Variants in SYNE3 observed in about 807,000 individuals in gnomAD.
SYNE3 encodes the protein nesprin-3.
SYNE3 carries 100 observed loss-of-function variants against 111.2 expected under a neutral mutation model. That is an observed-to-expected ratio of 0.90 (90% confidence interval 0.77 to 1.06). The LOEUF (loss-of-function observed/expected upper bound fraction) is 1.06. Among genes scored for constraint, SYNE3 ranks in the 50% least tolerant of loss-of-function variants. SYNE3 has a pLI of 0.00. For missense variants in SYNE3, 1,160 were observed against 1,240.3 expected (o/e 0.94, Z 0.97); for synonymous variants, 547 against 533.9 (o/e 1.02, Z -0.34).
At chr14:95,459,387 G>A (rs1221968915) in intron 4 of SYNE3, among the ~76,000 whole-genome samples, 1 of 152,000 alleles carries the variant, frequency 6.6e-6, no homozygotes, top group Admixed American at 6.6e-5. Context: ...ACGGTCAGAC[G>A]TCATTTTTAC....
intron 17 of SYNE3, chr14:95,429,834 C>G: frequency 1.5e-6 from 1 of 679,574 alleles, no homozygotes; most frequent in Non-Finnish European, 1.8e-6. Flanking sequence ...CAGAGATTCC[C>G]ACTGTGCTAC....
At chr14:95,514,532 T>C (rs1012890270) in intron 1 of SYNE3, among the ~76,000 whole-genome samples, 3 of 152,250 alleles carry the variant, frequency 2.0e-5, no homozygotes, top group African/African-American at 7.2e-5. Context: ...TCACATGTGC[T>C]GTGTCTGACA....
intron 13 of SYNE3, among the ~76,000 whole-genome samples, chr14:95,439,389 T>G (rs960791435): frequency 2.0e-5 from 3 of 152,360 alleles, no homozygotes; most frequent in Admixed American, 1.3e-4. Flanking sequence ...AAACTGAGGC[T>G]CAAGCCAGTA....
intron 6 of SYNE3, among the ~76,000 whole-genome samples, chr14:95,455,142 A>G (rs1303452480): frequency 3.9e-5 from 6 of 152,132 alleles, no homozygotes; most frequent in African/African-American, 1.4e-4. Flanking sequence ...ATGTGACTCT[A>G]GGGATGTTGG....
rs1413441927 is a variant in SYNE3 at position 95,410,026 on chromosome 14, A to T, written c.*7800T>A. The T allele has an allele frequency of 1.3e-5, 2 of 154,614 alleles. No homozygotes were observed. Among genetic ancestry groups the T allele is most frequent in the African/African-American group, 4.8e-5 (2 of 41,476 alleles). The allele number at this position is 154,614 out of a possible 1,614,324, so 9.6% of individuals were successfully genotyped here. A position where few individuals can be genotyped will look rare whatever the true frequency, so the allele number is the denominator to read the frequency against. On this transcript the variant is annotated 3_prime_UTR_variant, in exon 18 of 18. Coordinates refer to ENST00000682763, the MANE Select transcript of SYNE3 (RefSeq NM_152592.6). Reference sequence around the variant, plus strand: ...GAATCCAAACACAAAGAAAGTGTTCAAAAGCTTAGCCCTGGGTGCTCACCG... The same window carrying T: ...GAATCCAAACACAAAGAAAGTGTTCTAAAGCTTAGCCCTGGGTGCTCACCG...
intron 1 of SYNE3, among the ~76,000 whole-genome samples, chr14:95,508,594 C>T (rs1429545836): frequency 6.6e-6 from 1 of 152,250 alleles, no homozygotes; most frequent in African/African-American, 2.4e-5. Flanking sequence ...GAGGCCGTGA[C>T]TGTGAGCTGA....
rs754346632 is a variant in SYNE3, at chr14:95,433,426, C to T, written c.2539-17G>A. ...CTCCAGCTCCTGGGGGAAACAGCAG[C>T]GTCATGGTGCGGCTTCCAAATGGCC... is the stretch of plus-strand genomic sequence containing the variant. On this transcript the variant is annotated splice_polypyrimidine_tract_variant and intron_variant, in intron 15 of 17. Transcript: ENST00000682763. 6.8e-6 allele frequency: 11 copies of T among 1,612,558 alleles called. No homozygotes were observed. The highest frequency in any genetic ancestry group is 4.4e-5 in the South Asian group (4 of 90,906).
intron 1 of SYNE3, among the ~76,000 whole-genome samples, chr14:95,512,974 G>T (rs540158419): frequency 6.6e-6 from 1 of 152,210 alleles, no homozygotes; most frequent in Admixed American, 6.5e-5. Context: ...ACATCTCCCT[G>T]ATCAATTACC....
At chr14:95,429,715 C>T (rs78070226) in intron 17 of SYNE3, among the ~76,000 whole-genome samples, 30 of 152,222 alleles carry the variant, frequency 2.0e-4, no homozygotes, top group East Asian at 9.7e-4. Flanking sequence ...TAGGGCTTTC[C>T]GTCTTTGCAT....
At chr14:95,487,064 TC>T (rs1889586706) in intron 1 of SYNE3, among the ~76,000 whole-genome samples, 1 of 152,042 alleles carries the variant, frequency 6.6e-6, no homozygotes. Context: ...GGAGAGTCCT[TC>T]CCCCACTCTG....
At chr14:95,469,411 T>C (rs1212536423) in intron 2 of SYNE3, among the ~76,000 whole-genome samples, 1 of 151,834 alleles carries the variant, frequency 6.6e-6, no homozygotes, top group East Asian at 1.9e-4. Context: ...AAAAACACTT[T>C]TATCCAGGTA....
At chr14:95,490,669 A>G (rs888457787) in intron 1 of SYNE3, among the ~76,000 whole-genome samples, 1 of 152,226 alleles carries the variant, frequency 6.6e-6, no homozygotes, top group Non-Finnish European at 1.5e-5. Flanking sequence ...TAAGTCAAGT[A>G]AGAGCTGCTG....
intron 1 of SYNE3, among the ~76,000 whole-genome samples, chr14:95,515,700 G>A (rs555229447): frequency 1.3e-5 from 2 of 152,228 alleles, no homozygotes; most frequent in Non-Finnish European, 2.9e-5. Flanking sequence ...CCAGTGCAGG[G>A]ATAAGGGTGA....
chr14:95,425,937 G>A (rs12895389), intron 17 of SYNE3, among the ~76,000 whole-genome samples: 18,955 of 152,272 alleles, frequency 0.12, 1,237 homozygotes, highest in Non-Finnish European at 0.15. Context: ...AGCTGGAAGA[G>A]GAGGCCGTGG....
chr14:95,490,220 C>A (rs1431273176), intron 1 of SYNE3, among the ~76,000 whole-genome samples: 1 of 152,238 alleles, frequency 6.6e-6, no homozygotes, highest in Non-Finnish European at 1.5e-5. Flanking sequence ...TCACCGTCAT[C>A]TCTTGTTCTG....
chr14:95,480,022 T>C (rs1221015265), intron 1 of SYNE3, among the ~76,000 whole-genome samples: 1 of 152,054 alleles, frequency 6.6e-6, no homozygotes, highest in Non-Finnish European at 1.5e-5. Flanking sequence ...AGAAGTTTCG[T>C]CTCTGGACTG....
In SYNE3 at chr14:95,473,233, C is replaced by T. The variant is rs115311523; in HGVS notation, c.144+2445G>A. ...TGGACTCCCACCCCCTCGGGGCTCACAGAAGTGCTGCCTCTGGCTTCCAGG... is the reference window on the plus strand; with the variant it reads ...TGGACTCCCACCCCCTCGGGGCTCATAGAAGTGCTGCCTCTGGCTTCCAGG... On this transcript the variant is annotated intron_variant, in intron 2 of 17. Coordinates refer to ENST00000682763, the MANE Select transcript of SYNE3 (RefSeq NM_152592.6). Among the ~76,000 whole-genome samples, 802 of 152,276 alleles carry T rather than the reference C, an allele frequency of 5.3e-3. 7 individuals are homozygous for T. Among genetic ancestry groups the T allele is most frequent in the African/African-American group, 0.017 (721 of 41,574 alleles).
intron 14 of SYNE3, among the ~76,000 whole-genome samples, chr14:95,437,546 C>A (rs150487160): frequency 9.4e-4 from 143 of 152,330 alleles, no homozygotes; most frequent in African/African-American, 2.9e-3. Context: ...GCCACTCAGC[C>A]GTGAAAATTC....
At position 95,409,343 on chromosome 14, in the gene SYNE3, TC is replaced by T. The variant is rs1459289336; in HGVS notation, c.*8482del. 2.2e-6 allele frequency: 1 copy of T among 456,722 alleles called. No homozygotes were observed. Among genetic ancestry groups the T allele is most frequent in the Non-Finnish European group, 4.4e-6 (1 of 226,978 alleles). The allele number at this position is 456,722 out of a possible 1,614,324, so 28.3% of individuals were successfully genotyped here. A position where few individuals can be genotyped will look rare whatever the true frequency, so the allele number is the denominator to read the frequency against. Reference sequence around the variant, plus strand: ...GGCGCTCGGGGTATGTTTTCTTCCCTCCCTTTCTCATCAGAACAGGAAGAGG... The same window carrying T: ...GGCGCTCGGGGTATGTTTTCTTCCCTCCTTTCTCATCAGAACAGGAAGAGG... On this transcript the variant is annotated 3_prime_UTR_variant, in exon 18 of 18. Coordinates refer to ENST00000682763, the MANE Select transcript of SYNE3 (RefSeq NM_152592.6).
Sources: gnomAD v4.1 joint callset for allele counts (sites outside exome capture counted in the v4.1 genomes callset) on GRCh38, gnomAD v4.1.1 for gene constraint, MANE v1.5 for transcripts, NCBI Gene and HGNC (gene_info 2026-07-23, HGNC 2026-07-21) for gene names.